The following IFNG-AS1 variants were observed in gnomAD, a reference collection of about 807,000 sequenced individuals.
IFNG-AS1 encodes the protein IFNG antisense RNA 1 (non-protein coding).
chr12:68,006,722 GA>G (rs1333855775), intron 3 of IFNG-AS1, among the ~76,000 whole-genome samples: 2 of 152,212 alleles, frequency 1.3e-5, no homozygotes, highest in African/African-American at 4.8e-5. Flanking sequence ...GAGTCAGAAA[GA>G]GATTCTCCTG....
intron 1 of IFNG-AS1, among the ~76,000 whole-genome samples, chr12:67,993,806 C>T (rs1879572236): frequency 6.6e-6 from 1 of 152,058 alleles, no homozygotes; most frequent in South Asian, 2.1e-4. Context: ...TTTTGACTTT[C>T]CTTTTATTTT....
At chr12:68,009,643 G>C (rs769384437) in intron 3 of IFNG-AS1, among the ~76,000 whole-genome samples, 1 of 151,992 alleles carries the variant, frequency 6.6e-6, no homozygotes. Context: ...GCCTGGCCTG[G>C]AACAGTTTTT....
At chr12:68,013,492 C>T (rs1880078431) in intron 3 of IFNG-AS1, 1 of 152,166 alleles carries the variant, frequency 6.6e-6, no homozygotes, top group Non-Finnish European at 1.5e-5. Flanking sequence ...AATTCCTCCC[C>T]TTTAATTTCA....
At chr12:67,997,872 A>G (rs1879680103) in intron 2 of IFNG-AS1, among the ~76,000 whole-genome samples, 1 of 152,062 alleles carries the variant, frequency 6.6e-6, no homozygotes, top group South Asian at 2.1e-4. Context: ...AAAGATATAT[A>G]AAAAACCTTG....
intron 1 of IFNG-AS1, among the ~76,000 whole-genome samples, chr12:67,994,611 T>C (rs934853721): frequency 6.6e-6 from 1 of 152,196 alleles, no homozygotes; most frequent in Non-Finnish European, 1.5e-5. Context: ...GTGTATGAAA[T>C]GGACACACAA....
chr12:68,015,545 C>G (rs1286203811), intron 3 of IFNG-AS1, among the ~76,000 whole-genome samples: 1 of 152,112 alleles, frequency 6.6e-6, no homozygotes, highest in African/African-American at 2.4e-5. Flanking sequence ...AGAGATTTCC[C>G]ATTTCCAAGC....
intron 3 of IFNG-AS1, among the ~76,000 whole-genome samples, chr12:68,006,845 C>T (rs1022627569): frequency 1.3e-5 from 2 of 152,174 alleles, no homozygotes; most frequent in African/African-American, 4.8e-5. Flanking sequence ...AGACCCTAGT[C>T]CCAGCTGATC....
intron 1 of IFNG-AS1, among the ~76,000 whole-genome samples, chr12:67,991,447 C>CA (rs201713216): frequency 0.014 from 2,102 of 152,328 alleles, 19 homozygotes; most frequent in Non-Finnish European, 0.022. Flanking sequence ...AGGGCACACT[C>CA]AGGAGACCAG....
chr12:67,990,394 C>T (rs1268850119), intron 1 of IFNG-AS1, among the ~76,000 whole-genome samples: 1 of 152,168 alleles, frequency 6.6e-6, no homozygotes, highest in Non-Finnish European at 1.5e-5. Context: ...CTTTAACCTA[C>T]AATGGTCAGA....
intron 2 of IFNG-AS1, among the ~76,000 whole-genome samples, chr12:67,997,763 T>C (rs769340051): frequency 2.0e-5 from 3 of 151,884 alleles, no homozygotes; most frequent in Non-Finnish European, 4.4e-5. Context: ...TAATAAAGTA[T>C]ATATTCTGCT....
intron 2 of IFNG-AS1, among the ~76,000 whole-genome samples, chr12:68,004,329 C>T (rs1346584120): frequency 2.6e-5 from 4 of 152,184 alleles, no homozygotes; most frequent in African/African-American, 4.8e-5. Flanking sequence ...TCCCAGCTTC[C>T]TCTCTCTCCC....
At chr12:68,019,419 T>G (rs1400440680) in intron 3 of IFNG-AS1, among the ~76,000 whole-genome samples, 1 of 152,176 alleles carries the variant, frequency 6.6e-6, no homozygotes, top group Non-Finnish European at 1.5e-5. Flanking sequence ...CGAGCCAGAA[T>G]TCAAACCCAG....
intron 1 of IFNG-AS1, among the ~76,000 whole-genome samples, chr12:67,993,187 T>C (rs1879555364): frequency 6.6e-6 from 1 of 152,220 alleles, no homozygotes; most frequent in African/African-American, 2.4e-5. Context: ...TTTTAATTTC[T>C]GAATTTCATT....
At chr12:68,011,866 T>A (rs527547129) in intron 3 of IFNG-AS1, among the ~76,000 whole-genome samples, 4 of 152,222 alleles carry the variant, frequency 2.6e-5, no homozygotes, top group Admixed American at 6.5e-5. Flanking sequence ...AGGGAAAGAT[T>A]AGAGAGAATA....
chr12:68,006,844 T>A (rs1199819733), intron 3 of IFNG-AS1, among the ~76,000 whole-genome samples: 1 of 152,174 alleles, frequency 6.6e-6, no homozygotes, highest in African/African-American at 2.4e-5. Flanking sequence ...GAGACCCTAG[T>A]CCCAGCTGAT....
intron 2 of IFNG-AS1, among the ~76,000 whole-genome samples, chr12:68,004,794 T>A (rs1193228769): frequency 6.6e-6 from 1 of 152,134 alleles, no homozygotes; most frequent in Non-Finnish European, 1.5e-5. Flanking sequence ...CGGTCTTTTT[T>A]CCCCAAGTGC....
intron 1 of IFNG-AS1, among the ~76,000 whole-genome samples, chr12:67,992,253 A>T (rs1011167914): frequency 6.6e-6 from 1 of 152,234 alleles, no homozygotes; most frequent in Non-Finnish European, 1.5e-5. Flanking sequence ...TTCACCATTA[A>T]ATTGTTGAGG....
intron 1 of IFNG-AS1, among the ~76,000 whole-genome samples, chr12:67,995,680 C>T (rs1348942578): frequency 6.7e-6 from 1 of 149,956 alleles, no homozygotes; most frequent in Non-Finnish European, 1.5e-5. Flanking sequence ...CAAGATTGCG[C>T]CACTGCACTC....
At chr12:68,012,672 C>T (rs7952790) in intron 3 of IFNG-AS1, among the ~76,000 whole-genome samples, 44,007 of 152,070 alleles carry the variant, frequency 0.29, 6,616 homozygotes, top group Non-Finnish European at 0.32. Context: ...TTCAATTCAA[C>T]AAGCTTAAGT....
Sources: gnomAD v4.1 joint callset for allele counts (sites outside exome capture counted in the v4.1 genomes callset) on GRCh38, gnomAD v4.1.1 for gene constraint, MANE v1.5 for transcripts, NCBI Gene and HGNC (gene_info 2026-07-23, HGNC 2026-07-21) for gene names.